The following TMC7 variants were observed in gnomAD, a reference collection of about 807,000 sequenced individuals.
The protein encoded by TMC7 is transmembrane channel like 7, also known as transmembrane channel-like protein 7.
A neutral mutation model predicts 82.9 loss-of-function variants in TMC7; 54 were observed. The observed-to-expected ratio is 0.65, with a 90% CI of 0.52 to 0.82. The LOEUF (loss-of-function observed/expected upper bound fraction) is 0.82. TMC7 is among the 40% of genes least tolerant of loss of function. The pLI is 0.00. For synonymous variants in TMC7, 350 were observed against 337.9 expected, an observed-to-expected ratio of 1.04 and a Z score of -0.39; for missense variants, 820 against 901.2, an observed-to-expected ratio of 0.91 and a Z score of 1.15.
At chr16:19,010,807 T>C (rs1959286020) in intron 2 of TMC7, among the ~76,000 whole-genome samples, 1 of 152,136 alleles carries the variant, frequency 6.6e-6, no homozygotes, top group African/African-American at 2.4e-5. Flanking sequence ...GGCTGTAAGC[T>C]GGTCTGGGGT....
intron 2 of TMC7, among the ~76,000 whole-genome samples, chr16:19,011,398 G>A (rs1478608069): frequency 4.6e-5 from 7 of 152,214 alleles, no homozygotes; most frequent in African/African-American, 1.7e-4. Context: ...GTCAGGCAAA[G>A]TGGCTCATGC....
intron 1 of TMC7, among the ~76,000 whole-genome samples, chr16:18,998,766 A>G (rs1463660681): frequency 7.1e-6 from 1 of 139,910 alleles, no homozygotes; most frequent in Non-Finnish European, 1.6e-5. Context: ...AAAAAAAAAA[A>G]GAAAAGCAGG....
intron 5 of TMC7, among the ~76,000 whole-genome samples, chr16:19,025,810 A>G (rs1960197600): frequency 6.6e-6 from 1 of 150,528 alleles, no homozygotes; most frequent in African/African-American, 2.4e-5. Context: ...CAGAGAGTGC[A>G]GTGGCACAAT....
intron 8 of TMC7, 105 bp from the exon 9 acceptor site, chr16:19,040,184 C>T (rs531827302): frequency 3.4e-5 from 27 of 799,708 alleles, no homozygotes; most frequent in Admixed American, 9.0e-5. Flanking sequence ...ATGACAAATA[C>T]GTTTTGTTTG....
intron 12 of TMC7, chr16:19,049,690 A>G (rs1221466509): frequency 2.0e-6 from 2 of 984,376 alleles, no homozygotes; most frequent in African/African-American, 3.5e-5. Flanking sequence ...CATGGTGGGT[A>G]CCTGGCCTCA....
chr16:19,038,177 C>A, intron 8 of TMC7, 130 bp downstream of exon 8: 1 of 867,722 alleles, frequency 1.2e-6, no homozygotes, highest in Non-Finnish European at 1.7e-6. Flanking sequence ...ACCTGAAAAT[C>A]AGAGGTGATC....
chr16:18,988,341 G>A (rs533177897), intron 1 of TMC7, among the ~76,000 whole-genome samples: 1 of 151,112 alleles, frequency 6.6e-6, no homozygotes, highest in South Asian at 2.1e-4. Context: ...TTTTGGTAGA[G>A]ATGATACTTC....
intron 15 of TMC7, among the ~76,000 whole-genome samples, chr16:19,060,999 C>CTT (rs34398653): frequency 7.7e-6 from 1 of 129,110 alleles, no homozygotes. Flanking sequence ...GATGGCCAGT[C>CTT]TTTTTTTTTT....
rs1362164467 is a variant in TMC7 at position 18,984,015 on chromosome 16, G to A, written c.-49G>A. The A allele has an allele frequency of 1.4e-6, 2 of 1,379,568 alleles. No individual in the cohort carries two copies. The highest frequency in any genetic ancestry group is 1.5e-5 in the African/African-American group (1 of 65,484). 85.5% of individuals were successfully genotyped at this position (1,379,568 alleles called of 1,614,324 possible). A position where few individuals can be genotyped will look rare whatever the true frequency, so the allele number is the denominator to read the frequency against. On this transcript the variant is annotated 5_prime_UTR_variant, in exon 1 of 16. Transcript: ENST00000304381. ...GGCCGGGGAGGCGGCGGCGGCGGCG[G>A]CGGCTGGAGAGGGTCCTCGGCAGCC...
intron 6 of TMC7, among the ~76,000 whole-genome samples, chr16:19,034,776 G>A (rs1316019995): frequency 6.6e-6 from 1 of 152,078 alleles, no homozygotes; most frequent in African/African-American, 2.4e-5. Flanking sequence ...CCTTGGGGAT[G>A]GTAGTGGGAA....
chr16:19,003,291 G>A (rs1452684296), intron 1 of TMC7, among the ~76,000 whole-genome samples: 1 of 152,204 alleles, frequency 6.6e-6, no homozygotes, highest in African/African-American at 2.4e-5. Flanking sequence ...TCCAGCCTGG[G>A]CAATAGAGCA....
intron 12 of TMC7, chr16:19,049,759 T>C: frequency 1.8e-6 from 1 of 557,686 alleles, no homozygotes; most frequent in African/African-American, 2.0e-5. Context: ...GCACCAAGTA[T>C]CTTCGGTACT....
At chr16:19,009,515 A>C in intron 2 of TMC7, 100 bp downstream of exon 2, 1 of 1,443,954 alleles carries the variant, frequency 6.9e-7, no homozygotes, top group African/African-American at 1.4e-5. Context: ...ATATAATTAA[A>C]ATTTTATTCC....
At chr16:19,023,250 G>T in intron 5 of TMC7, 55 bp downstream of exon 5, 1 of 1,231,512 alleles carries the variant, frequency 8.1e-7, no homozygotes, top group South Asian at 1.3e-5. Flanking sequence ...AAAATTGATT[G>T]ATTTAAAGAT....
At chr16:18,984,594 C>A in intron 1 of TMC7, 2 of 918,742 alleles carry the variant, frequency 2.2e-6, no homozygotes, top group Non-Finnish European at 1.3e-6. Context: ...AAGTGGCTTG[C>A]CTTCTCTGAG....
At chr16:19,038,124 C>A in intron 8 of TMC7, 77 bp downstream of exon 8, 1 of 1,403,542 alleles carries the variant, frequency 7.1e-7, no homozygotes, top group Non-Finnish European at 9.8e-7. Flanking sequence ...ATCGTCATTT[C>A]TGTTTTACAT....
At chr16:19,025,670 A>G in intron 5 of TMC7, among the ~76,000 whole-genome samples, 1 of 152,096 alleles carries the variant, frequency 6.6e-6, no homozygotes, top group Admixed American at 6.6e-5. Context: ...AACAAATGCC[A>G]TACCATTGAG....
At chr16:18,999,386 G>A (rs1049188134) in intron 1 of TMC7, among the ~76,000 whole-genome samples, 4 of 152,320 alleles carry the variant, frequency 2.6e-5, no homozygotes, top group Non-Finnish European at 4.4e-5. Context: ...CTTCATTGCC[G>A]AAGCCCAACA....
At position 19,063,133 on chromosome 16, in the gene TMC7, G is replaced by A. The variant is rs1482476037; in HGVS notation, c.*1290G>A. On this transcript the variant is annotated 3_prime_UTR_variant, in exon 16 of 16. Transcript: ENST00000304381. ...TTTCGGTCTTTTCCTGACTTGGTAAGGTTTATGGGTTTCTAAATCTAATAA... is the reference window on the plus strand; with the variant it reads ...TTTCGGTCTTTTCCTGACTTGGTAAAGTTTATGGGTTTCTAAATCTAATAA... The A allele has an allele frequency of 2.0e-5, 3 of 152,270 alleles. No homozygotes were observed. The highest frequency in any genetic ancestry group is 4.4e-5 in the Non-Finnish European group (3 of 68,034). 9.4% of individuals were successfully genotyped at this position (152,270 alleles called of 1,614,324 possible).
Sources: gnomAD v4.1 joint callset for allele counts (sites outside exome capture counted in the v4.1 genomes callset) on GRCh38, gnomAD v4.1.1 for gene constraint, MANE v1.5 for transcripts, NCBI Gene and HGNC (gene_info 2026-07-23, HGNC 2026-07-21) for gene names.